The following SLC30A8 variants were observed in gnomAD, a reference collection of about 807,000 sequenced individuals.
The protein encoded by SLC30A8 is solute carrier family 30 member 8.
SLC30A8 carries 27 observed loss-of-function variants against 36.9 expected under a neutral mutation model. The ratio of observed to expected loss-of-function variants is 0.73; its 90% CI spans 0.54 to 1.01. The LOEUF (loss-of-function observed/expected upper bound fraction) is 1.01, where lower values mean the gene tolerates loss of function less well. SLC30A8 is among the 50% of genes least tolerant of loss of function. SLC30A8 has a pLI of 0.00. For missense variants in SLC30A8, 439 were observed against 452.0 expected, an observed-to-expected ratio of 0.97 and a Z score of 0.26; for synonymous variants, 164 against 172.4, an observed-to-expected ratio of 0.95 and a Z score of 0.38.
intron 1 of SLC30A8, among the ~76,000 whole-genome samples, chr8:116,976,834 T>TCTTTCTTTCTTTCTTTCTTTCTTTC (rs1815044867): frequency 2.1e-5 from 3 of 143,082 alleles, no homozygotes; most frequent in African/African-American, 8.9e-5. Flanking sequence ...TTTTTTTTTT[T>TCTTTCTTTCTTTCTTTCTTTCTTTC]TTTTACAGAG....
At chr8:117,041,416 G>A (rs1341879886) in intron 2 of SLC30A8, among the ~76,000 whole-genome samples, 2 of 152,200 alleles carry the variant, frequency 1.3e-5, no homozygotes, top group Non-Finnish European at 2.9e-5. Context: ...GGCTGGGCAC[G>A]GTGGCTCACG....
intron 1 of SLC30A8, among the ~76,000 whole-genome samples, chr8:116,958,723 A>T (rs929188807): frequency 3.3e-5 from 5 of 151,798 alleles, no homozygotes; most frequent in Admixed American, 6.6e-5. Flanking sequence ...TTAAATTTGT[A>T]AACAATTTTA....
intron 1 of SLC30A8, among the ~76,000 whole-genome samples, chr8:116,978,091 C>T (rs1815116379): frequency 6.6e-6 from 1 of 152,068 alleles, no homozygotes; most frequent in Non-Finnish European, 1.5e-5. Flanking sequence ...ATTTAACCTT[C>T]CTGTAACCTT....
At chr8:117,013,929 G>A (rs1816428159) in intron 1 of SLC30A8, among the ~76,000 whole-genome samples, 1 of 151,986 alleles carries the variant, frequency 6.6e-6, no homozygotes, top group African/African-American at 2.4e-5. Flanking sequence ...TAAATTGTTA[G>A]CCATTAAATT....
chr8:117,166,766 ATT>A (rs71305462), intron 6 of SLC30A8, among the ~76,000 whole-genome samples: 34 of 128,624 alleles, frequency 2.6e-4, no homozygotes, highest in African/African-American at 7.9e-4. Context: ...ACATTAGCTG[ATT>A]TTTTTTTTTT....
intron 1 of SLC30A8, among the ~76,000 whole-genome samples, chr8:116,977,386 C>T (rs1180343349): frequency 6.6e-6 from 1 of 150,560 alleles, no homozygotes; most frequent in African/African-American, 2.4e-5. Flanking sequence ...ATCTCCTGAC[C>T]TCGTGATTCG....
Position 117,084,988 on chromosome 8 carries a change from T to C in SLC30A8, c.-226+45730T>C, listed in dbSNP as rs555578975. The stretch of plus-strand genomic sequence containing the variant: ...ACAAGCAATAACAAACCCAAAGAGA[T>C]TGATTTTTTTTTAAATGTTCAAATC... On this transcript the variant is annotated intron_variant, in intron 2 of 10. Coordinates refer to the SLC30A8 transcript ENST00000427715. Among the ~76,000 whole-genome samples, 18 of 152,232 alleles carry C rather than the reference T, an allele frequency of 1.2e-4. 1 individual carries two copies. The highest frequency in any genetic ancestry group is 2.1e-4 in the South Asian group (1 of 4,810).
intron 2 of SLC30A8, among the ~76,000 whole-genome samples, chr8:117,041,513 C>A (rs1480759770): frequency 6.6e-6 from 1 of 151,860 alleles, no homozygotes; most frequent in Non-Finnish European, 1.5e-5. Flanking sequence ...CAGAGTGAAA[C>A]CCCCGTCTCT....
chr8:117,027,120 A>G (rs1387410619), intron 1 of SLC30A8, among the ~76,000 whole-genome samples: 1 of 152,182 alleles, frequency 6.6e-6, no homozygotes, highest in Non-Finnish European at 1.5e-5. Flanking sequence ...TATACTGAGA[A>G]TGAAAACATG....
intron 1 of SLC30A8, among the ~76,000 whole-genome samples, chr8:116,994,532 C>T (rs1815751287): frequency 6.6e-6 from 1 of 152,102 alleles, no homozygotes; most frequent in Non-Finnish European, 1.5e-5. Context: ...AAGAAGACAA[C>T]ATACAGTTCT....
chr8:116,996,125 A>G (rs995121733), intron 1 of SLC30A8, among the ~76,000 whole-genome samples: 1 of 152,126 alleles, frequency 6.6e-6, no homozygotes, highest in Non-Finnish European at 1.5e-5. Context: ...TACCATCCAC[A>G]CCACCAGCCC....
chr8:117,045,006 A>G (rs566658126), intron 2 of SLC30A8, among the ~76,000 whole-genome samples: 6 of 152,346 alleles, frequency 3.9e-5, no homozygotes, highest in African/African-American at 1.4e-4. Flanking sequence ...CCAGTAGGGA[A>G]TTTAACACTG....
At chr8:116,969,715 A>G (rs1814727710) in intron 1 of SLC30A8, among the ~76,000 whole-genome samples, 1 of 152,186 alleles carries the variant, frequency 6.6e-6, no homozygotes, top group Non-Finnish European at 1.5e-5. Flanking sequence ...AGGTAATTGT[A>G]ATACAGTGAT....
chr8:117,110,458 A>G (rs1288847619), intron 2 of SLC30A8, among the ~76,000 whole-genome samples: 1 of 152,108 alleles, frequency 6.6e-6, no homozygotes, highest in Non-Finnish European at 1.5e-5. Context: ...TGGCCCAGAG[A>G]AGTGGAAGGG....
At chr8:117,048,121 TTACTC>T (rs765392729) in intron 2 of SLC30A8, among the ~76,000 whole-genome samples, 8 of 152,352 alleles carry the variant, frequency 5.3e-5, no homozygotes, top group East Asian at 1.9e-4. Context: ...TGGTTTCACT[TTACTC>T]TACAGACTTG....
chr8:117,057,630 C>G (rs1042464497), intron 2 of SLC30A8, among the ~76,000 whole-genome samples: 2 of 152,060 alleles, frequency 1.3e-5, no homozygotes, highest in Admixed American at 1.3e-4. Context: ...ATTTATCTTT[C>G]TGTATCTGGC....
chr8:117,031,411 C>T (rs551366196), intron 1 of SLC30A8, among the ~76,000 whole-genome samples: 153 of 151,822 alleles, frequency 1.0e-3, no homozygotes, highest in African/African-American at 3.2e-3. Context: ...AGAGAAATGC[C>T]GTTCTAAAGT....
rs183407812 is a variant in SLC30A8, at chr8:117,160,807, G to C, written c.573-931G>C. ...TAGTGATCAGATCTAGATGGCTAGC[G>C]GTCATTCCACTTTGTGGTGATGACC... On this transcript the variant is annotated intron_variant, in intron 4 of 7. Transcript: ENST00000456015. Among the ~76,000 whole-genome samples, 40 of 152,200 alleles carry C rather than the reference G, an allele frequency of 2.6e-4. No individual in the cohort carries two copies. In the East Asian group the frequency reaches 7.3e-3, roughly 28 times the overall value.
At chr8:117,057,861 A>G (rs1817919014) in intron 2 of SLC30A8, among the ~76,000 whole-genome samples, 1 of 152,216 alleles carries the variant, frequency 6.6e-6, no homozygotes, top group African/African-American at 2.4e-5. Context: ...GGGAGTGCCG[A>G]TATCTCTTTG....
Sources: gnomAD v4.1 joint callset for allele counts (sites outside exome capture counted in the v4.1 genomes callset) on GRCh38, gnomAD v4.1.1 for gene constraint, MANE v1.5 for transcripts, NCBI Gene and HGNC (gene_info 2026-07-23, HGNC 2026-07-21) for gene names.